The following EPHA6 variants were observed in gnomAD, a reference collection of about 807,000 sequenced individuals.
The protein encoded by EPHA6 is ephrin type-A receptor 6.
In EPHA6, 50 loss-of-function variants were observed where a neutral mutation model predicts 112.0. The ratio of observed to expected loss-of-function variants is 0.45; its 90% CI spans 0.36 to 0.56. The LOEUF is 0.56. EPHA6 is among the 20% of genes least tolerant of loss of function. The pLI is 0.00. For synonymous variants in EPHA6, 529 were observed against 490.7 expected (o/e 1.08, Z -1.03); for missense variants, 1,280 against 1,417.4 (o/e 0.90, Z 1.56).
intron 6 of EPHA6, among the ~76,000 whole-genome samples, chr3:97,410,645 T>A (rs1040390063): frequency 2.0e-5 from 3 of 152,036 alleles, no homozygotes; most frequent in South Asian, 4.1e-4. Flanking sequence ...TGTATATGGA[T>A]CACATGGGGA....
Position 97,065,447 on chromosome 3 carries a change from A to C in EPHA6, c.1114+77454A>C, listed in dbSNP as rs1037407251. On this transcript the variant is annotated intron_variant, in intron 3 of 17. Transcript: ENST00000389672. ...TTATTTTAAAATAAAACTATCTCTT[A>C]ATAGGAAGATGCACTTACTCTTCAA... Among the ~76,000 whole-genome samples the C allele has an allele frequency of 7.9e-5, 12 of 152,234 alleles. No individual in the cohort carries two copies. In the East Asian group the frequency reaches 2.1e-3, roughly 27 times the overall value.
Position 97,748,794 on chromosome 3 carries a change from C to A in EPHA6, c.*93C>A. 1.4e-6 allele frequency: 1 copy of A among 726,810 alleles called. No homozygotes were observed. Among genetic ancestry groups the A allele is most frequent in the South Asian group, 1.5e-5 (1 of 66,130 alleles). The allele number at this position is 726,810 out of a possible 1,614,324, so 45.0% of individuals were successfully genotyped here. A position where few individuals can be genotyped will look rare whatever the true frequency, so the allele number is the denominator to read the frequency against. Reference sequence around the variant, plus strand: ...CTCTCTTCTGATTCTCCAAACATCACTTCACAAACTGCAGTCTTCTGTTCA... The same window carrying A: ...CTCTCTTCTGATTCTCCAAACATCAATTCACAAACTGCAGTCTTCTGTTCA... On this transcript the variant is annotated 3_prime_UTR_variant, in exon 18 of 18. Transcript: ENST00000389672.
intron 15 of EPHA6, among the ~76,000 whole-genome samples, chr3:97,726,562 T>G (rs2034777969): frequency 6.6e-6 from 1 of 152,118 alleles, no homozygotes; most frequent in South Asian, 2.1e-4. Flanking sequence ...GATTGACATA[T>G]TTAGCCTATT....
At chr3:97,512,174 A>G (rs1402003503) in intron 10 of EPHA6, among the ~76,000 whole-genome samples, 1 of 152,192 alleles carries the variant, frequency 6.6e-6, no homozygotes, top group Admixed American at 6.5e-5. Flanking sequence ...TTCTAGTAGG[A>G]CATCTGCCTG....
chr3:97,209,061 G>A (rs1165655430), intron 3 of EPHA6, among the ~76,000 whole-genome samples: 2 of 152,072 alleles, frequency 1.3e-5, no homozygotes, highest in African/African-American at 2.4e-5. Context: ...TTAACTATGT[G>A]TACAAGCAAT....
chr3:97,125,324 A>C (rs2048153815), intron 3 of EPHA6, among the ~76,000 whole-genome samples: 1 of 152,230 alleles, frequency 6.6e-6, no homozygotes, highest in Non-Finnish European at 1.5e-5. Context: ...TGCATTAAGT[A>C]CAGAATATTT....
At chr3:97,474,028 C>A (rs1181698938) in intron 7 of EPHA6, among the ~76,000 whole-genome samples, 3 of 151,758 alleles carry the variant, frequency 2.0e-5, no homozygotes, top group South Asian at 4.1e-4. Flanking sequence ...TTTTAAAAGT[C>A]TCTAAAGTGC....
chr3:97,580,765 G>C (rs899539380), intron 11 of EPHA6, among the ~76,000 whole-genome samples: 1 of 152,164 alleles, frequency 6.6e-6, no homozygotes, highest in Admixed American at 6.5e-5. Flanking sequence ...TATCAGACTT[G>C]AGAATTAGGT....
intron 3 of EPHA6, among the ~76,000 whole-genome samples, chr3:97,135,721 C>T (rs140154614): frequency 2.1e-5 from 3 of 145,710 alleles, no homozygotes; most frequent in East Asian, 4.0e-4. Context: ...GTTCTTGCAT[C>T]TTATTTGAAT....
At chr3:97,115,009 C>A (rs1177448671) in intron 3 of EPHA6, among the ~76,000 whole-genome samples, 1 of 151,868 alleles carries the variant, frequency 6.6e-6, no homozygotes. Context: ...GATTTTGTAT[C>A]TGCATCATGA....
chr3:96,930,378 GT>G (rs2040250768), intron 2 of EPHA6, among the ~76,000 whole-genome samples: 2 of 152,214 alleles, frequency 1.3e-5, no homozygotes, highest in East Asian at 1.9e-4. Flanking sequence ...TTTGAATGGG[GT>G]TTTTGTGGGG....
chr3:97,420,534 A>C, intron 6 of EPHA6, among the ~76,000 whole-genome samples: 1 of 152,090 alleles, frequency 6.6e-6, no homozygotes, highest in East Asian at 1.9e-4. Flanking sequence ...TTCACTACTA[A>C]ATAATTGGAA....
chr3:97,641,395 C>T (rs2094002390), intron 14 of EPHA6, among the ~76,000 whole-genome samples: 2 of 152,086 alleles, frequency 1.3e-5, no homozygotes, highest in Admixed American at 6.6e-5. Flanking sequence ...TAATAAAATA[C>T]AGAGGAAGAA....
At chr3:97,484,088 A>T (rs1276611667) in intron 10 of EPHA6, 29 bp downstream of exon 10, 1 of 1,574,968 alleles carries the variant, frequency 6.3e-7, no homozygotes, top group South Asian at 1.2e-5. Context: ...CTTTTGAACA[A>T]AACATTCCTT....
intron 3 of EPHA6, among the ~76,000 whole-genome samples, chr3:97,006,930 T>C (rs2043902451): frequency 1.3e-5 from 2 of 152,228 alleles, no homozygotes; most frequent in Admixed American, 1.3e-4. Flanking sequence ...GGTTTCTTAA[T>C]CCTGAGTTCT....
intron 3 of EPHA6, among the ~76,000 whole-genome samples, chr3:97,068,692 T>C (rs2046257940): frequency 6.6e-6 from 1 of 151,992 alleles, no homozygotes; most frequent in Admixed American, 6.6e-5. Flanking sequence ...GTTGAAACCC[T>C]AACCCCAGTG....
chr3:97,667,233 A>G (rs74578163), intron 14 of EPHA6, among the ~76,000 whole-genome samples: 2,021 of 152,340 alleles, frequency 0.013, 42 homozygotes, highest in African/African-American at 0.045. Context: ...TATAGCAAAC[A>G]TATACAAATT....
intron 5 of EPHA6, among the ~76,000 whole-genome samples, chr3:97,342,310 G>T (rs189621030): frequency 2.1e-3 from 323 of 152,262 alleles, no homozygotes; most frequent in Admixed American, 3.5e-3. Flanking sequence ...AAATTTTACA[G>T]TGTGATGAGT....
At chr3:97,174,642 T>A (rs181047816) in intron 3 of EPHA6, among the ~76,000 whole-genome samples, 232 of 152,106 alleles carry the variant, frequency 1.5e-3, no homozygotes, top group African/African-American at 5.3e-3. Context: ...ATTTCTGTAA[T>A]GATCAGTGGT....
Sources: allele counts gnomAD v4.1 joint callset (sites outside exome capture counted in the v4.1 genomes callset), GRCh38; gene constraint gnomAD v4.1.1; transcripts MANE v1.5; gene names NCBI Gene and HGNC (gene_info 2026-07-23, HGNC 2026-07-21).